CEP85: variants seen among roughly 807,000 people sequenced by gnomAD.
The protein encoded by CEP85 is centrosomal protein 85.
A neutral mutation model predicts 93.7 loss-of-function variants in CEP85; 58 were observed. The ratio of observed to expected loss-of-function variants is 0.62; its 90% CI spans 0.50 to 0.77. The LOEUF (loss-of-function observed/expected upper bound fraction) is 0.77, where lower values mean the gene tolerates loss of function less well. Among genes scored for constraint, CEP85 ranks in the 30% least tolerant of loss-of-function variants. The pLI, the probability that CEP85 is intolerant of heterozygous loss-of-function variation, is 0.00. For synonymous variants in CEP85, 314 were observed against 338.6 expected (o/e 0.93, Z 0.80); for missense variants, 868 against 922.0 (o/e 0.94, Z 0.76).
intron 1 of CEP85, among the ~76,000 whole-genome samples, chr1:26,239,295 A>G (rs2089381836): frequency 6.6e-6 from 1 of 152,202 alleles, no homozygotes; most frequent in African/African-American, 2.4e-5. Flanking sequence ...TAAAACATGT[A>G]AAAACATATT....
chr1:26,255,034 C>G, intron 3 of CEP85, 137 bp from the exon 4 acceptor site: 1 of 734,168 alleles, frequency 1.4e-6, no homozygotes, highest in Non-Finnish European at 2.3e-6. Context: ...GTTGCCGTTT[C>G]TTTCTGCCTG....
At chr1:26,269,715 A>T in intron 9 of CEP85, 101 bp downstream of exon 9, 1 of 857,048 alleles carries the variant, frequency 1.2e-6, no homozygotes, top group Non-Finnish European at 1.8e-6. Context: ...TGGGAAAATC[A>T]TTTTACTTAT....
intron 3 of CEP85, among the ~76,000 whole-genome samples, chr1:26,248,598 C>T (rs571371595): frequency 2.0e-5 from 3 of 151,610 alleles, no homozygotes; most frequent in Non-Finnish European, 4.4e-5. Flanking sequence ...TGGGTTCAAG[C>T]GATTCTCCTC....
chr1:26,259,504 A>G (rs563998500), intron 6 of CEP85, 113 bp from the exon 7 acceptor site: 3 of 1,036,940 alleles, frequency 2.9e-6, no homozygotes, highest in East Asian at 4.9e-5. Context: ...ACCACTTCTT[A>G]AAGAGATTCT....
In CEP85 at chr1:26,239,853, G is replaced by C; in HGVS notation, c.55+15G>C. ...CACTTCACCGAGTGAGTAGTCAGAA[G>C]TTTTCTGGGTTAAATTCTGACCTTT... On this transcript the variant is annotated intron_variant, in intron 2 of 13. Coordinates refer to ENST00000451429, the MANE Select transcript of CEP85 (RefSeq NM_001319944.2). 6.3e-7 allele frequency: 1 copy of C among 1,599,432 alleles called. No homozygotes were observed.
chr1:26,252,830 G>A (rs531400479), intron 3 of CEP85, among the ~76,000 whole-genome samples: 23 of 152,194 alleles, frequency 1.5e-4, no homozygotes, highest in African/African-American at 4.1e-4. Context: ...AGGCTTGCAC[G>A]TCTTTTTTTA....
At chr1:26,241,667 C>G (rs931233505) in intron 2 of CEP85, among the ~76,000 whole-genome samples, 7 of 152,094 alleles carry the variant, frequency 4.6e-5, no homozygotes, top group Admixed American at 4.6e-4. Flanking sequence ...GCTTTTTTCT[C>G]TCTTCAATAG....
intron 7 of CEP85, among the ~76,000 whole-genome samples, chr1:26,263,827 G>A (rs1557663108): frequency 2.0e-5 from 3 of 152,084 alleles, no homozygotes; most frequent in Non-Finnish European, 2.9e-5. Flanking sequence ...CCACTTGTAC[G>A]TGTATTTTTT....
intron 7 of CEP85, among the ~76,000 whole-genome samples, chr1:26,260,957 AT>A: frequency 6.6e-6 from 1 of 151,408 alleles, no homozygotes; most frequent in South Asian, 2.1e-4. Context: ...CACCCAGCTA[AT>A]TTTTGTAATT....
intron 1 of CEP85, among the ~76,000 whole-genome samples, chr1:26,238,445 C>T (rs567097390): frequency 1.3e-5 from 2 of 151,952 alleles, no homozygotes; most frequent in Non-Finnish European, 2.9e-5. Context: ...ATCCGCCTGC[C>T]TCGGCCTCCC....
chr1:26,235,523 C>G (rs2089310934), intron 1 of CEP85, among the ~76,000 whole-genome samples: 2 of 147,612 alleles, frequency 1.4e-5, no homozygotes, highest in Non-Finnish European at 3.0e-5. Flanking sequence ...ATGTGGTTCT[C>G]TTAACAGCTG....
At position 26,269,607 on chromosome 1, in the gene CEP85, G is replaced by A. The variant is rs1214642323; in HGVS notation, c.1642G>A (p.Gly548Arg). The A allele has an allele frequency of 6.2e-7, 1 of 1,612,864 alleles. No individual in the cohort carries two copies. Among genetic ancestry groups the A allele is most frequent in the African/African-American group, 1.3e-5 (1 of 74,858 alleles). The change falls in exon 9 of 14, where the codon GGA becomes AGA. Residue 548 changes from glycine to arginine, a missense_variant. Transcript: ENST00000451429. ...RQREAEFSSA[G>R]HSLQDKQSVE... Reference sequence around the variant, plus strand: ...GAGAGAAGCAGAATTCTCCTCCGCTGGACATAGGTAAATAACCCTGTGGGA... The same window carrying A: ...GAGAGAAGCAGAATTCTCCTCCGCTAGACATAGGTAAATAACCCTGTGGGA...
rs2089967413 is a variant in CEP85 at position 26,271,071 on chromosome 1, G to A, written c.1707G>A (p.Met569Ile). 2.5e-6 allele frequency: 4 copies of A among 1,613,508 alleles called. No individual in the cohort carries two copies. The Middle Eastern group carries it at 5.0e-4, about 200-fold the overall frequency. Reference sequence around the variant, plus strand: ...GTGGAGAAGGTCCAGAAGTGGAAATGGAGTCCTGGCAGAAGCGATACGATT... The same window carrying A: ...GTGGAGAAGGTCCAGAAGTGGAAATAGAGTCCTGGCAGAAGCGATACGATT... Reference protein sequence around the residue: ...ETSGEGPEVEMESWQKRYDSL... With the variant: ...ETSGEGPEVEIESWQKRYDSL... The change falls in exon 10 of 14, where the codon ATG (methionine) becomes ATA (isoleucine). Residue 569 changes from methionine (M) to isoleucine (I), a missense_variant. Met to Ile is a conservative substitution (Grantham distance 10). Transcript: ENST00000451429.
chr1:26,241,641 C>T (rs775920323), intron 2 of CEP85, among the ~76,000 whole-genome samples: 2 of 152,180 alleles, frequency 1.3e-5, no homozygotes, highest in Non-Finnish European at 2.9e-5. Context: ...GTTTTTGGAA[C>T]AATGCCTTTC....
At chr1:26,250,796 G>A (rs1429379586) in intron 3 of CEP85, among the ~76,000 whole-genome samples, 1 of 152,042 alleles carries the variant, frequency 6.6e-6, no homozygotes, top group Non-Finnish European at 1.5e-5. Context: ...TGTTTATTTT[G>A]CCCAGGGTTC....
chr1:26,272,402 G>A, intron 11 of CEP85: 1 of 307,224 alleles, frequency 3.3e-6, no homozygotes, highest in Non-Finnish European at 6.2e-6. Context: ...TGGATAGGAT[G>A]TGTTGGATTC....
At chr1:26,247,509 A>G (rs952800509) in intron 3 of CEP85, among the ~76,000 whole-genome samples, 2 of 152,082 alleles carry the variant, frequency 1.3e-5, no homozygotes, top group African/African-American at 4.8e-5. Flanking sequence ...GAGGTGGGAA[A>G]ATCACTTGAG....
At chr1:26,240,329 A>G (rs1308500013) in intron 2 of CEP85, among the ~76,000 whole-genome samples, 1 of 152,188 alleles carries the variant, frequency 6.6e-6, no homozygotes, top group Non-Finnish European at 1.5e-5. Flanking sequence ...TTAAGTGTCC[A>G]TGGCGGACTG....
Position 26,267,273 on chromosome 1 carries a change from A to G in CEP85, c.1342-1210A>G, listed in dbSNP as rs149702599. On this transcript the variant is annotated intron_variant, in intron 7 of 13. Coordinates refer to ENST00000451429, the MANE Select transcript of CEP85 (RefSeq NM_001319944.2). ...TTATTACAGTTTTATTATAAGGGATACAATTCAGGGCTGGGTGCAGTGGCT... is the reference window on the plus strand; with the variant it reads ...TTATTACAGTTTTATTATAAGGGATGCAATTCAGGGCTGGGTGCAGTGGCT... 3.6e-3 allele frequency among the ~76,000 whole-genome samples: 556 copies of G among 152,358 alleles called. 6 individuals are homozygous for G. Among genetic ancestry groups the G allele is most frequent in the East Asian group, 0.015 (80 of 5,186 alleles).
Sources: allele counts gnomAD v4.1 joint callset (sites outside exome capture counted in the v4.1 genomes callset), GRCh38; gene constraint gnomAD v4.1.1; transcripts MANE v1.5; gene names NCBI Gene and HGNC (gene_info 2026-07-23, HGNC 2026-07-21).